LRP1B: variants seen among roughly 807,000 people sequenced by gnomAD.
LRP1B encodes the protein LDL receptor related protein 1B.
In LRP1B, 217 loss-of-function variants were observed where a neutral mutation model predicts 556.6. That is an observed-to-expected ratio of 0.39 (90% CI 0.35 to 0.44). The LOEUF (loss-of-function observed/expected upper bound fraction) is 0.44, where lower values mean the gene tolerates loss of function less well. Among genes scored for constraint, LRP1B ranks in the 20% least tolerant of loss-of-function variants. The pLI is 1.00. For synonymous variants in LRP1B, 2,047 were observed against 1,865.8 expected, an observed-to-expected ratio of 1.10 and a Z score of -2.50; for missense variants, 5,053 against 5,620.8, an observed-to-expected ratio of 0.90 and a Z score of 3.23.
At chr2:142,126,736 C>T (rs539677284) in intron 1 of LRP1B, among the ~76,000 whole-genome samples, 3 of 151,884 alleles carry the variant, frequency 2.0e-5, no homozygotes, top group East Asian at 1.9e-4. Context: ...TTGCACATTT[C>T]ACATTAAGAT....
At chr2:140,589,995 T>C (rs1682151111) in intron 43 of LRP1B, among the ~76,000 whole-genome samples, 1 of 152,102 alleles carries the variant, frequency 6.6e-6, no homozygotes, top group Non-Finnish European at 1.5e-5. Flanking sequence ...ATGTAATCAT[T>C]AGGGAAAACT....
intron 7 of LRP1B, among the ~76,000 whole-genome samples, chr2:141,185,692 A>AAC (rs1202892291): frequency 2.7e-5 from 4 of 147,182 alleles, no homozygotes; most frequent in African/African-American, 9.9e-5. Context: ...ACAAACAAAA[A>AAC]AAAACAAAAA....
intron 3 of LRP1B, among the ~76,000 whole-genome samples, chr2:141,309,969 G>C (rs1167967138): frequency 6.6e-6 from 1 of 152,090 alleles, no homozygotes; most frequent in East Asian, 1.9e-4. Flanking sequence ...CCAAAAATGT[G>C]AGCAATAAAT....
At chr2:141,047,903 T>C (rs181757578) in intron 11 of LRP1B, among the ~76,000 whole-genome samples, 32 of 152,262 alleles carry the variant, frequency 2.1e-4, no homozygotes, top group Non-Finnish European at 3.7e-4. Context: ...GAAGGAGTTA[T>C]CTGAGTATAC....
chr2:140,795,446 G>T (rs951677521), intron 32 of LRP1B, among the ~76,000 whole-genome samples: 2 of 152,006 alleles, frequency 1.3e-5, no homozygotes, highest in African/African-American at 4.8e-5. Context: ...AGACTACTCA[G>T]AATATTTCCT....
intron 20 of LRP1B, among the ~76,000 whole-genome samples, chr2:140,944,774 G>A (rs1383293443): frequency 6.6e-6 from 1 of 152,058 alleles, no homozygotes; most frequent in Admixed American, 6.6e-5. Context: ...AATAATAAGA[G>A]CTGTCTATGA....
intron 2 of LRP1B, among the ~76,000 whole-genome samples, chr2:141,522,639 G>T (rs763604076): frequency 6.6e-6 from 1 of 152,212 alleles, no homozygotes; most frequent in African/African-American, 2.4e-5. Flanking sequence ...AAAGTGAATA[G>T]AATCAATAGG....
intron 2 of LRP1B, among the ~76,000 whole-genome samples, chr2:141,672,284 C>T (rs1008737210): frequency 2.6e-5 from 4 of 152,022 alleles, no homozygotes; most frequent in African/African-American, 9.7e-5. Flanking sequence ...GAGTTGCGCT[C>T]CTCATCACAG....
Position 140,578,656 on chromosome 2 carries a change from T to G in LRP1B, c.7194+19975A>C, listed in dbSNP as rs141586442. 6.3e-3 allele frequency among the ~76,000 whole-genome samples: 956 copies of G among 152,226 alleles called. 7 individuals carry two copies. The highest frequency in any genetic ancestry group is 0.018 in the African/African-American group (759 of 41,530). ...AACCACTTTCAAAAATGAGTTAATG[T>G]GTGCAGCACACCAACATGGCACATG... On this transcript the variant is annotated intron_variant, in intron 43 of 90. Coordinates refer to ENST00000389484, the MANE Select transcript of LRP1B (RefSeq NM_018557.3).
intron 20 of LRP1B, among the ~76,000 whole-genome samples, chr2:140,944,339 A>G (rs1695483011): frequency 6.6e-6 from 1 of 152,134 alleles, no homozygotes; most frequent in African/African-American, 2.4e-5. Flanking sequence ...CACCTGACCT[A>G]CAAAGAAGAA....
At chr2:140,722,955 A>G (rs111550947) in intron 35 of LRP1B, among the ~76,000 whole-genome samples, 7,058 of 152,234 alleles carry the variant, frequency 0.046, 243 homozygotes, top group South Asian at 0.092. Flanking sequence ...AGACAGGAGA[A>G]TGGTGTAAAC....
intron 35 of LRP1B, among the ~76,000 whole-genome samples, chr2:140,740,559 T>C (rs1688102322): frequency 6.6e-6 from 1 of 152,176 alleles, no homozygotes; most frequent in Non-Finnish European, 1.5e-5. Context: ...GGGTGCAGTG[T>C]ATACTGCTCA....
chr2:141,615,729 C>A (rs1317003246), intron 2 of LRP1B, among the ~76,000 whole-genome samples: 1 of 152,028 alleles, frequency 6.6e-6, no homozygotes, highest in African/African-American at 2.4e-5. Flanking sequence ...CCCTGAAGAA[C>A]ATTTAAAAGT....
intron 3 of LRP1B, among the ~76,000 whole-genome samples, chr2:141,255,726 T>G (rs1223365764): frequency 6.6e-6 from 1 of 151,848 alleles, no homozygotes; most frequent in Non-Finnish European, 1.5e-5. Context: ...CAGAAGAGAT[T>G]TTCCAGATTT....
intron 2 of LRP1B, among the ~76,000 whole-genome samples, chr2:141,785,124 T>C (rs1284682865): frequency 6.6e-6 from 1 of 151,946 alleles, no homozygotes; most frequent in African/African-American, 2.4e-5. Context: ...ACATGACTAG[T>C]CTGCCAAATG....
chr2:141,320,306 T>C (rs1350808581), intron 3 of LRP1B, among the ~76,000 whole-genome samples: 1 of 152,098 alleles, frequency 6.6e-6, no homozygotes, highest in East Asian at 1.9e-4. Context: ...CTAGAATCCT[T>C]TTTCTTCATG....
chr2:140,530,038 A>G (rs1690620561), intron 47 of LRP1B, among the ~76,000 whole-genome samples: 1 of 152,114 alleles, frequency 6.6e-6, no homozygotes. Context: ...CTACTCTGTA[A>G]ACAGACTCTC....
At chr2:141,479,272 G>C (rs1682826000) in intron 3 of LRP1B, among the ~76,000 whole-genome samples, 1 of 152,124 alleles carries the variant, frequency 6.6e-6, no homozygotes, top group Admixed American at 6.5e-5. Context: ...CAGCCAACAA[G>C]ACCTGTCAGG....
chr2:141,339,166 CT>C (rs541924464), intron 3 of LRP1B, among the ~76,000 whole-genome samples: 1 of 151,238 alleles, frequency 6.6e-6, no homozygotes, highest in Non-Finnish European at 1.5e-5. Context: ...TTTTATATGA[CT>C]TTTTTCAAAA....
Sources: allele counts gnomAD v4.1 joint callset (sites outside exome capture counted in the v4.1 genomes callset), GRCh38; gene constraint gnomAD v4.1.1; transcripts MANE v1.5; gene names NCBI Gene and HGNC (gene_info 2026-07-23, HGNC 2026-07-21).